MACROD2: variants seen among roughly 807,000 people sequenced by gnomAD.
The protein encoded by MACROD2 is ADP-ribose glycohydrolase MACROD2.
Under a neutral mutation model 70.4 loss-of-function variants are expected in MACROD2, and 36 were observed. That is an observed-to-expected ratio of 0.51 (90% CI 0.39 to 0.68). The LOEUF is 0.68. MACROD2 is among the 30% of genes least tolerant of loss of function. The pLI is 0.00. For synonymous variants in MACROD2, 172 were observed against 178.8 expected (o/e 0.96, Z 0.30); for missense variants, 496 against 538.4 (o/e 0.92, Z 0.78).
rs74369439 is a variant in MACROD2 at position 14,054,944 on chromosome 20, C to T, written c.164-30677C>T. Among the ~76,000 whole-genome samples, 595 of 152,248 alleles carry T rather than the reference C, an allele frequency of 3.9e-3. 2 individuals carry two copies. Among genetic ancestry groups the T allele is most frequent in the Middle Eastern group, 0.014 (4 of 294 alleles). On this transcript the variant is annotated intron_variant, in intron 2 of 17. Coordinates refer to ENST00000684519, the MANE Select transcript of MACROD2 (RefSeq NM_001351661.2). ...ACTCTATGATATAATTATTTATAGACTGCCTTTCTGAAAATAGTTCTATAT... is the reference window on the plus strand; with the variant it reads ...ACTCTATGATATAATTATTTATAGATTGCCTTTCTGAAAATAGTTCTATAT...
intron 3 of MACROD2, among the ~76,000 whole-genome samples, chr20:14,315,535 T>C (rs771023417): frequency 3.3e-5 from 5 of 152,238 alleles, no homozygotes; most frequent in Non-Finnish European, 2.9e-5. Flanking sequence ...GGAGTTTGCA[T>C]TTTAATGAGG....
intron 8 of MACROD2, among the ~76,000 whole-genome samples, chr20:15,729,208 A>G (rs2050907422): frequency 6.6e-6 from 1 of 152,082 alleles, no homozygotes; most frequent in Non-Finnish European, 1.5e-5. Flanking sequence ...GAGCAATTTT[A>G]TTAGTATTGA....
chr20:16,011,177 C>A (rs988738998), intron 15 of MACROD2, among the ~76,000 whole-genome samples: 8 of 152,194 alleles, frequency 5.3e-5, no homozygotes, highest in African/African-American at 1.9e-4. Flanking sequence ...TGGCAGTCCT[C>A]TCCCTGTTGA....
chr20:16,025,181 A>G (rs2067060341), intron 15 of MACROD2, among the ~76,000 whole-genome samples: 1 of 152,184 alleles, frequency 6.6e-6, no homozygotes, highest in African/African-American at 2.4e-5. Flanking sequence ...GTCTCCTGGA[A>G]CAAGAGGTTA....
intron 5 of MACROD2, among the ~76,000 whole-genome samples, chr20:15,178,550 A>G: frequency 6.6e-6 from 1 of 152,230 alleles, no homozygotes; most frequent in East Asian, 1.9e-4. Flanking sequence ...CTTGAGATCT[A>G]CAGAGGAGAA....
rs987260176 is a variant in MACROD2, at chr20:15,121,710, T to C, written c.419-108230T>C. Among the ~76,000 whole-genome samples the C allele has an allele frequency of 5.3e-5, 8 of 152,264 alleles. No homozygotes were observed. In the South Asian group the frequency reaches 1.7e-3, roughly 32 times the overall value. Reference sequence around the variant, plus strand: ...ATCTTCATTTTAAACATAAAATTACTTTATTTTTTCATTCCATTGAGAAAG... The same window carrying C: ...ATCTTCATTTTAAACATAAAATTACCTTATTTTTTCATTCCATTGAGAAAG... On this transcript the variant is annotated intron_variant, in intron 5 of 17. Coordinates refer to ENST00000684519, the MANE Select transcript of MACROD2 (RefSeq NM_001351661.2).
intron 5 of MACROD2, among the ~76,000 whole-genome samples, chr20:14,909,988 A>G (rs970760295): frequency 6.6e-6 from 1 of 152,112 alleles, no homozygotes; most frequent in Non-Finnish European, 1.5e-5. Context: ...TTTTCTTGAG[A>G]ACCTTTGGAA....
At chr20:15,095,262 A>T (rs1441261112) in intron 5 of MACROD2, among the ~76,000 whole-genome samples, 1 of 150,628 alleles carries the variant, frequency 6.6e-6, no homozygotes, top group Non-Finnish European at 1.5e-5. Flanking sequence ...TTTTTAGTAG[A>T]GATGGGGTTT....
rs538093355 is a variant in MACROD2, at chr20:14,313,001, C to T, written c.272-180478C>T. On this transcript the variant is annotated intron_variant, in intron 3 of 17. Transcript: ENST00000684519. ...GGTTTTCTGTAAGCTAATTATATAA[C>T]ACTTCATTGTCTACATTTAAAAATG... 5.9e-5 allele frequency among the ~76,000 whole-genome samples: 9 copies of T among 152,290 alleles called. No homozygotes were observed. The South Asian group carries it at 1.9e-3, about 32-fold the overall frequency.
At chr20:14,584,635 T>C (rs981781435) in intron 4 of MACROD2, among the ~76,000 whole-genome samples, 1 of 152,110 alleles carries the variant, frequency 6.6e-6, no homozygotes, top group African/African-American at 2.4e-5. Context: ...CCATCACATA[T>C]AGGGCTTCAA....
At chr20:15,794,549 T>A (rs1246597653) in intron 8 of MACROD2, among the ~76,000 whole-genome samples, 1 of 152,194 alleles carries the variant, frequency 6.6e-6, no homozygotes, top group Admixed American at 6.5e-5. Flanking sequence ...GACCATTTTT[T>A]CTCCTTTCCC....
At chr20:14,312,604 T>C (rs2082576760) in intron 3 of MACROD2, among the ~76,000 whole-genome samples, 1 of 152,178 alleles carries the variant, frequency 6.6e-6, no homozygotes. Flanking sequence ...AACTTGGACT[T>C]GAACCTGAGA....
At chr20:14,140,552 A>G (rs2054857303) in intron 3 of MACROD2, among the ~76,000 whole-genome samples, 1 of 152,182 alleles carries the variant, frequency 6.6e-6, no homozygotes, top group South Asian at 2.1e-4. Flanking sequence ...TTGCAGATGA[A>G]CCCTGTATTT....
intron 4 of MACROD2, among the ~76,000 whole-genome samples, chr20:14,527,034 A>C (rs1202655121): frequency 6.6e-6 from 1 of 152,232 alleles, no homozygotes; most frequent in African/African-American, 2.4e-5. Context: ...AGCTTTCAGC[A>C]GATGGGGGAG....
chr20:15,524,249 T>A (rs66767980), intron 8 of MACROD2, among the ~76,000 whole-genome samples: 5,121 of 151,788 alleles, frequency 0.034, 341 homozygotes, highest in East Asian at 0.28. Flanking sequence ...GGGGTAGATT[T>A]GTGAGGGGAT....
intron 3 of MACROD2, among the ~76,000 whole-genome samples, chr20:14,440,586 C>T (rs1189926558): frequency 6.6e-6 from 1 of 152,090 alleles, no homozygotes; most frequent in Admixed American, 6.5e-5. Context: ...AGGTAAAGTG[C>T]CTGATCTTCT....
chr20:14,335,254 G>A (rs528843758), intron 3 of MACROD2, among the ~76,000 whole-genome samples: 1 of 152,172 alleles, frequency 6.6e-6, no homozygotes, highest in Admixed American at 6.6e-5. Context: ...AGGGTCTTGT[G>A]TCCCTAGGCA....
intron 5 of MACROD2, among the ~76,000 whole-genome samples, chr20:15,014,741 G>T (rs1395455693): frequency 6.6e-6 from 1 of 152,194 alleles, no homozygotes; most frequent in East Asian, 1.9e-4. Flanking sequence ...TTATGTAAAT[G>T]ATTGTAAAAA....
At chr20:14,317,623 A>C (rs910576356) in intron 3 of MACROD2, among the ~76,000 whole-genome samples, 60 of 151,790 alleles carry the variant, frequency 4.0e-4, no homozygotes, top group African/African-American at 1.4e-3. Context: ...TCTCAAAAAA[A>C]AAAAAAAAAA....
Sources: allele counts gnomAD v4.1 joint callset (sites outside exome capture counted in the v4.1 genomes callset), GRCh38; gene constraint gnomAD v4.1.1; transcripts MANE v1.5; gene names NCBI Gene and HGNC (gene_info 2026-07-23, HGNC 2026-07-21).